NAP1L4: variants seen among roughly 807,000 people sequenced by gnomAD.
NAP1L4 encodes the protein nucleosome assembly protein 1-like 4.
NAP1L4 carries 15 observed loss-of-function variants against 58.2 expected under a neutral mutation model. The observed-to-expected ratio is 0.26, with a 90% CI of 0.17 to 0.40. The LOEUF is 0.40. Ranked by LOEUF, NAP1L4 falls within the 10% of genes least tolerant of loss-of-function variation. The pLI, the probability that NAP1L4 is intolerant of heterozygous loss-of-function variation, is 1.00. For synonymous variants in NAP1L4, 171 were observed against 155.6 expected (o/e 1.10, Z -0.74); for missense variants, 384 against 451.1 (o/e 0.85, Z 1.35).
rs1845868757 is a variant in NAP1L4, at chr11:2,945,033, C to A, written c.*646G>T. 1.3e-5 allele frequency: 2 copies of A among 151,916 alleles called. No homozygotes were observed. The highest frequency in any genetic ancestry group is 2.9e-5 in the Non-Finnish European group (2 of 68,054). 9.4% of individuals were successfully genotyped at this position (151,916 alleles called of 1,614,324 possible). On this transcript the variant is annotated 3_prime_UTR_variant, in exon 16 of 16. Coordinates refer to ENST00000380542, the MANE Select transcript of NAP1L4 (RefSeq NM_005969.4). ...CTCACCTGGGCTGGTGTGTCACAAC[C>A]CTGACCCACCCCTAAAAAAAAAAAA...
intron 8 of NAP1L4, among the ~76,000 whole-genome samples, chr11:2,962,646 CTT>C (rs1197978881): frequency 1.3e-5 from 2 of 151,644 alleles, no homozygotes; most frequent in East Asian, 1.9e-4. Context: ...CTACATATGA[CTT>C]TTATAATAGG....
intron 7 of NAP1L4, among the ~76,000 whole-genome samples, chr11:2,965,022 G>A (rs1458039254): frequency 6.6e-6 from 1 of 152,218 alleles, no homozygotes; most frequent in Non-Finnish European, 1.5e-5. Context: ...ACACCCGCCT[G>A]CCTGCAATAC....
intron 1 of NAP1L4, among the ~76,000 whole-genome samples, chr11:2,981,000 G>A (rs548131644): frequency 6.6e-6 from 1 of 152,080 alleles, no homozygotes; most frequent in African/African-American, 2.4e-5. Context: ...AGGCCAAAGT[G>A]GGCAGATTAG....
At chr11:2,991,828 C>G (rs892886097) in intron 1 of NAP1L4, 22 of 152,374 alleles carry the variant, frequency 1.4e-4, no homozygotes, top group African/African-American at 4.3e-4. Context: ...TCCGGCGCGC[C>G]CGGCCGTGTA....
intron 8 of NAP1L4, among the ~76,000 whole-genome samples, chr11:2,961,840 TATAG>T (rs1467093616): frequency 2.0e-5 from 3 of 152,222 alleles, no homozygotes; most frequent in Non-Finnish European, 2.9e-5. Flanking sequence ...CCTACTTTTC[TATAG>T]ATAGATTCAT....
At position 2,971,796 on chromosome 11, in the gene NAP1L4, G is replaced by A. The variant is rs1263554317; in HGVS notation, c.316-262C>T. 6.6e-6 allele frequency among the ~76,000 whole-genome samples: 1 copy of A among 152,192 alleles called. No homozygotes were observed. The highest frequency in any genetic ancestry group is 1.5e-5 in the Non-Finnish European group (1 of 68,042). ...TAAAGATTTTCAACTTCCTGATGGT[G>A]CAGAAGCCATCACACTTTGGGCACC... is the stretch of plus-strand genomic sequence containing the variant. On this transcript the variant is annotated intron_variant, in intron 5 of 15. Coordinates refer to ENST00000380542, the MANE Select transcript of NAP1L4 (RefSeq NM_005969.4). This position sits in a 1 kb window ranked among gnomAD's most constrained non-coding sequence, Gnocchi z 4.2.
intron 4 of NAP1L4, among the ~76,000 whole-genome samples, chr11:2,972,553 A>C (rs975972221): frequency 6.6e-6 from 1 of 152,262 alleles, no homozygotes; most frequent in African/African-American, 2.4e-5. Flanking sequence ...TTGGCAATTA[A>C]AAACCAAAAC....
intron 4 of NAP1L4, among the ~76,000 whole-genome samples, chr11:2,973,030 T>G (rs534070964): frequency 6.6e-6 from 1 of 152,186 alleles, no homozygotes; most frequent in African/African-American, 2.4e-5. Context: ...TGTCCGTCGA[T>G]AGATCTGTAC....
intron 1 of NAP1L4, among the ~76,000 whole-genome samples, chr11:2,984,913 TGA>T (rs1326113489): frequency 1.3e-5 from 2 of 152,240 alleles, no homozygotes; most frequent in Non-Finnish European, 2.9e-5. Flanking sequence ...TTATACAGGT[TGA>T]GTATCTCTTA....
intron 7 of NAP1L4, among the ~76,000 whole-genome samples, chr11:2,968,213 T>A (rs1443728277): frequency 6.6e-6 from 1 of 152,152 alleles, no homozygotes; most frequent in Non-Finnish European, 1.5e-5. Flanking sequence ...GATTTTCAAC[T>A]CTCAGGGTGC....
intron 1 of NAP1L4, among the ~76,000 whole-genome samples, chr11:2,981,418 C>CAAAAAAAAAAAAA (rs35499396): frequency 1.2e-4 from 5 of 41,284 alleles, no homozygotes; most frequent in African/African-American, 1.9e-4. Context: ...TACCCTGTCT[C>CAAAAAAAAAAAAA]AAAAAAAAAA....
chr11:2,991,959 A>G (rs1403235351), intron 1 of NAP1L4: 1 of 152,014 alleles, frequency 6.6e-6, no homozygotes, highest in African/African-American at 2.4e-5. Flanking sequence ...CGCGGCGCAG[A>G]ACAAAGCGCC....
chr11:2,970,856 CCCA>C (rs200146078), intron 6 of NAP1L4, among the ~76,000 whole-genome samples: 31,454 of 124,484 alleles, frequency 0.25, 3,477 homozygotes, highest in South Asian at 0.39. Flanking sequence ...CCACCCCCCC[CCCA>C]AAAAAAAAAC....
intron 7 of NAP1L4, among the ~76,000 whole-genome samples, 186 bp downstream of exon 7, chr11:2,969,617 C>A (rs1847514343): frequency 6.6e-6 from 1 of 152,078 alleles, no homozygotes; most frequent in African/African-American, 2.4e-5. Flanking sequence ...GCATGGAAGC[C>A]CCACTGTGAA....
rs180843803 is a variant in NAP1L4, at chr11:2,965,611, T to C, written c.535-860A>G. On this transcript the variant is annotated intron_variant, in intron 7 of 15. Coordinates refer to ENST00000380542, the MANE Select transcript of NAP1L4 (RefSeq NM_005969.4). Reference sequence around the variant, plus strand: ...TTGCCCAGACTGGAGTGCAATGGTGTGATCTTGGTCACTGCAAGCTCCGCC... The same window carrying C: ...TTGCCCAGACTGGAGTGCAATGGTGCGATCTTGGTCACTGCAAGCTCCGCC... Among the ~76,000 whole-genome samples the C allele has an allele frequency of 6.3e-3, 959 of 152,260 alleles. 10 individuals carry two copies. The highest frequency in any genetic ancestry group is 0.022 in the African/African-American group (909 of 41,550).
chr11:2,970,749 A>G (rs1208435476), intron 6 of NAP1L4, among the ~76,000 whole-genome samples: 1 of 152,180 alleles, frequency 6.6e-6, no homozygotes, highest in Non-Finnish European at 1.5e-5. Context: ...AAACTGATTC[A>G]CAACTGTATT....
chr11:2,971,559 G>C lies in NAP1L4; in HGVS notation c.316-25C>G. On this transcript the variant is annotated intron_variant, in intron 5 of 15. Transcript: ENST00000380542. The surrounding 1 kb of genome is among the most constrained non-coding windows in gnomAD (Gnocchi z 4.2). ...TCTACATAAAAATGAGACCTTATTA[G>C]AATTATGTTATTAGCTTACTTAGGA... 1 of 1,588,322 alleles carries C rather than the reference G, an allele frequency of 6.3e-7. No homozygotes were observed. Among genetic ancestry groups the C allele is most frequent in the Non-Finnish European group, 8.6e-7 (1 of 1,159,750 alleles).
intron 1 of NAP1L4, chr11:2,983,609 T>C (rs867234481): frequency 6.8e-6 from 1 of 147,654 alleles, no homozygotes; most frequent in Non-Finnish European, 1.5e-5. Flanking sequence ...AAAAAAGTGC[T>C]AAATCAAGGA....
intron 4 of NAP1L4, among the ~76,000 whole-genome samples, chr11:2,972,638 T>C (rs371679065): frequency 6.6e-6 from 1 of 152,206 alleles, no homozygotes; most frequent in African/African-American, 2.4e-5. Flanking sequence ...GGCAGAAATA[T>C]TGAAAATGTT....
Sources: allele counts gnomAD v4.1 joint callset (sites outside exome capture counted in the v4.1 genomes callset), GRCh38; gene constraint gnomAD v4.1.1; non-coding constraint Gnocchi (gnomAD v3.1); transcripts MANE v1.5; gene names NCBI Gene and HGNC (gene_info 2026-07-23, HGNC 2026-07-21).